Variants in TBCE observed in about 807,000 individuals in gnomAD.
TBCE encodes the protein tubulin-specific chaperone E.
A neutral mutation model predicts 77.0 loss-of-function variants in TBCE; 53 were observed. That is an observed-to-expected ratio of 0.69 (90% confidence interval 0.55 to 0.87). The LOEUF (loss-of-function observed/expected upper bound fraction) is 0.87, where lower values mean the gene tolerates loss of function less well. Among genes scored for constraint, TBCE ranks in the 40% least tolerant of loss-of-function variants. The pLI is 0.00. For missense variants in TBCE, 624 were observed against 622.4 expected, an observed-to-expected ratio of 1.00 and a Z score of -0.03; for synonymous variants, 235 against 241.3, an observed-to-expected ratio of 0.97 and a Z score of 0.24.
intron 2 of TBCE, among the ~76,000 whole-genome samples, chr1:235,395,147 T>G (rs1678647582): frequency 6.6e-6 from 1 of 152,256 alleles, no homozygotes; most frequent in African/African-American, 2.4e-5. Flanking sequence ...CAGGTTTTTG[T>G]GTGGACATAA....
At chr1:235,444,544 T>C (rs546374546) in intron 15 of TBCE, among the ~76,000 whole-genome samples, 1 of 152,244 alleles carries the variant, frequency 6.6e-6, no homozygotes, top group Non-Finnish European at 1.5e-5. Flanking sequence ...GCTGGGACTA[T>C]AGGCACGAAC....
chr1:235,429,130 G>A (rs2102910402), intron 6 of TBCE: 1 of 151,388 alleles, frequency 6.6e-6, no homozygotes, highest in Non-Finnish European at 1.5e-5. Flanking sequence ...CTGGGACTAT[G>A]GGTGCCCACC....
At chr1:235,379,882 G>T in intron 1 of TBCE, 137 bp from the exon 2 acceptor site, 2 of 519,280 alleles carry the variant, frequency 3.9e-6, no homozygotes, top group South Asian at 2.0e-5. Flanking sequence ...TGGAAGGTGG[G>T]GGTTGCAGTG....
At chr1:235,411,913 G>C (rs1314020333) in intron 3 of TBCE, among the ~76,000 whole-genome samples, 1 of 151,750 alleles carries the variant, frequency 6.6e-6, no homozygotes, top group Non-Finnish European at 1.5e-5. Context: ...CCAGTCTTTG[G>C]AACTCACCCT....
At chr1:235,430,912 A>G (rs1274793520) in intron 7 of TBCE, 108 bp downstream of exon 7, 1 of 908,546 alleles carries the variant, frequency 1.1e-6, no homozygotes, top group Non-Finnish European at 1.8e-6. Flanking sequence ...CTTCATTTAA[A>G]TCATCCCAGT....
chr1:235,416,560 A>G (rs1680127284), intron 4 of TBCE, among the ~76,000 whole-genome samples: 1 of 152,104 alleles, frequency 6.6e-6, no homozygotes. Flanking sequence ...AAAACCCCAA[A>G]TATTTACATA....
intron 15 of TBCE, among the ~76,000 whole-genome samples, chr1:235,447,802 C>T (rs1682501914): frequency 6.6e-6 from 1 of 152,174 alleles, no homozygotes; most frequent in Non-Finnish European, 1.5e-5. Flanking sequence ...ATGAAACTCA[C>T]TGTCAAAGGG....
At chr1:235,420,072 G>T (rs1195418091) in intron 5 of TBCE, among the ~76,000 whole-genome samples, 1 of 151,912 alleles carries the variant, frequency 6.6e-6, no homozygotes, top group Admixed American at 6.6e-5. Context: ...GACAGAACAA[G>T]ACTTCATCTC....
intron 4 of TBCE, among the ~76,000 whole-genome samples, chr1:235,417,829 C>A (rs375439923): frequency 6.6e-6 from 1 of 152,018 alleles, no homozygotes; most frequent in Non-Finnish European, 1.5e-5. Flanking sequence ...CAGGCTGGAG[C>A]GCAATGGTGT....
At position 235,402,284 on chromosome 1, in the gene TBCE, G is replaced by A. The variant is rs988224218; in HGVS notation, c.185+697G>A. On this transcript the variant is annotated intron_variant, in intron 3 of 16. Transcript: ENST00000642610. Reference sequence around the variant, plus strand: ...TCACCATATTGGCCAGGCTGGTCCCGAACTCCTGACCTTGTGATCCGCCCG... The same window carrying A: ...TCACCATATTGGCCAGGCTGGTCCCAAACTCCTGACCTTGTGATCCGCCCG... Among the ~76,000 whole-genome samples, 13 of 151,754 alleles carry A rather than the reference G, an allele frequency of 8.6e-5. No homozygotes were observed. The South Asian group carries it at 1.0e-3, about 12-fold the overall frequency.
chr1:235,414,137 T>TGAGCCAC, intron 3 of TBCE: 1 of 361,154 alleles, frequency 2.8e-6, no homozygotes, highest in South Asian at 2.3e-5. Context: ...ATTACAGTCA[T>TGAGCCAC]GAGCCACCGT....
chr1:235,425,650 C>T (rs75777093), intron 5 of TBCE, among the ~76,000 whole-genome samples: 8,311 of 152,180 alleles, frequency 0.055, 421 homozygotes, highest in African/African-American at 0.13. Context: ...CCTGCAAGGC[C>T]CTTTGTGATG....
At chr1:235,440,377 G>C (rs6661893) in intron 13 of TBCE, among the ~76,000 whole-genome samples, 16,367 of 151,922 alleles carry the variant, frequency 0.11, 1,442 homozygotes, top group African/African-American at 0.25. Context: ...TCCAGTTTAT[G>C]TCTGAGGCAT....
intron 1 of TBCE, among the ~76,000 whole-genome samples, chr1:235,372,419 A>C (rs551317319): frequency 1.3e-5 from 2 of 152,338 alleles, no homozygotes; most frequent in African/African-American, 4.8e-5. Flanking sequence ...GAAATACTTC[A>C]TAAGGTAATA....
At chr1:235,446,830 G>A (rs751746640) in intron 15 of TBCE, among the ~76,000 whole-genome samples, 74 of 151,840 alleles carry the variant, frequency 4.9e-4, no homozygotes, top group Admixed American at 6.6e-4. Flanking sequence ...GACTAGAGGC[G>A]TACATCGCTA....
At chr1:235,435,905 A>G (rs1681417263) in intron 9 of TBCE, 65 bp downstream of exon 9, 1 of 1,283,496 alleles carries the variant, frequency 7.8e-7, no homozygotes, top group Admixed American at 1.7e-5. Flanking sequence ...CAGTTTTCAT[A>G]TGCTATGTAT....
At position 235,439,597 on chromosome 1, in the gene TBCE, C is replaced by G. The variant is rs189945099; in HGVS notation, c.1270+675C>G. On this transcript the variant is annotated intron_variant, in intron 13 of 16. Transcript: ENST00000642610. Reference sequence around the variant, plus strand: ...CTGCCTCCCGGGTTCAATTTATTCTCCTGCCTTAGCCTCCTGAGTAGCTGG... The same window carrying G: ...CTGCCTCCCGGGTTCAATTTATTCTGCTGCCTTAGCCTCCTGAGTAGCTGG... Among the ~76,000 whole-genome samples the G allele has an allele frequency of 1.8e-4, 23 of 130,284 alleles. No homozygotes were observed. The East Asian group carries it at 5.2e-3, about 29-fold the overall frequency. 85.5% of individuals were successfully genotyped at this position (130,284 alleles called of 152,430 possible).
chr1:235,368,500 G>A (rs1676699566), intron 1 of TBCE, among the ~76,000 whole-genome samples: 1 of 121,870 alleles, frequency 8.2e-6, no homozygotes, highest in Non-Finnish European at 1.7e-5. Flanking sequence ...TTTATATACT[G>A]TTGTAAACAG....
intron 5 of TBCE, among the ~76,000 whole-genome samples, chr1:235,422,581 G>A (rs1680457480): frequency 6.6e-6 from 1 of 151,684 alleles, no homozygotes; most frequent in African/African-American, 2.4e-5. Flanking sequence ...TGTAATTCCA[G>A]CACTTTGGGA....
Sources: allele counts gnomAD v4.1 joint callset (sites outside exome capture counted in the v4.1 genomes callset), GRCh38; gene constraint gnomAD v4.1.1; transcripts MANE v1.5; gene names NCBI Gene and HGNC (gene_info 2026-07-23, HGNC 2026-07-21).